Variants in CR1L observed in about 807,000 individuals in gnomAD.
CR1L encodes the protein complement C3b/C4b receptor 1 like.
In CR1L, 59 loss-of-function variants were observed where a neutral mutation model predicts 62.3. The ratio of observed to expected loss-of-function variants is 0.95; its 90% CI spans 0.77 to 1.18. CR1L has a LOEUF of 1.18. CR1L is among the 50% of genes most tolerant of loss of function. The pLI is 0.00. For synonymous variants in CR1L, 279 were observed against 248.7 expected, an observed-to-expected ratio of 1.12 and a Z score of -1.15; for missense variants, 700 against 702.8, an observed-to-expected ratio of 1.00 and a Z score of 0.04.
At chr1:207,674,207 T>G (rs1663655610) in intron 1 of CR1L, among the ~76,000 whole-genome samples, 1 of 152,196 alleles carries the variant, frequency 6.6e-6, no homozygotes, top group Non-Finnish European at 1.5e-5. Context: ...TTGGATGCAT[T>G]ACAGAAGGAC....
intron 1 of CR1L, among the ~76,000 whole-genome samples, chr1:207,660,221 A>T (rs1309826076): frequency 1.3e-5 from 2 of 152,200 alleles, no homozygotes; most frequent in Admixed American, 6.5e-5. Flanking sequence ...CTGCCTCCCC[A>T]AGTGGGTCCC....
At chr1:207,717,097 A>G (rs369768500) in intron 10 of CR1L, among the ~76,000 whole-genome samples, 165 of 152,348 alleles carry the variant, frequency 1.1e-3, no homozygotes, top group Middle Eastern at 6.8e-3. Context: ...TCTGATGGCC[A>G]AAATTTTGTC....
At chr1:207,697,257 T>C (rs1664112350) in intron 5 of CR1L, among the ~76,000 whole-genome samples, 2 of 152,214 alleles carry the variant, frequency 1.3e-5, no homozygotes, top group Non-Finnish European at 2.9e-5. Flanking sequence ...TTGCATACTT[T>C]AGATGTAAAA....
At chr1:207,650,941 A>C (rs1663213590) in intron 1 of CR1L, among the ~76,000 whole-genome samples, 1 of 151,986 alleles carries the variant, frequency 6.6e-6, no homozygotes, top group East Asian at 1.9e-4. Flanking sequence ...GTGTGCCACT[A>C]CACCTGGCTA....
intron 4 of CR1L, among the ~76,000 whole-genome samples, chr1:207,688,735 C>T (rs1663950720): frequency 6.6e-6 from 1 of 151,864 alleles, no homozygotes; most frequent in South Asian, 2.1e-4. Context: ...TTTTTGAAGT[C>T]TTCTTTAATT....
chr1:207,662,004 C>T (rs1168018944), intron 1 of CR1L, among the ~76,000 whole-genome samples: 1 of 152,222 alleles, frequency 6.6e-6, no homozygotes, highest in Non-Finnish European at 1.5e-5. Flanking sequence ...AGAGTTTCTG[C>T]TGAGAGATCC....
At chr1:207,669,333 C>A in intron 1 of CR1L, 1 of 704,712 alleles carries the variant, frequency 1.4e-6, no homozygotes, top group Non-Finnish European at 2.4e-6. Flanking sequence ...CAGCCCTCCC[C>A]ATGCTCTGGG....
In CR1L at chr1:207,683,004, C is replaced by CTT. The variant is rs1558017888; in HGVS notation, c.378-866_378-865dup. Among the ~76,000 whole-genome samples, 446 of 99,476 alleles carry CTT rather than the reference C, an allele frequency of 4.5e-3. 6 individuals are homozygous for CTT. Among genetic ancestry groups the CTT allele is most frequent in the South Asian group, 9.1e-3 (26 of 2,862 alleles). 65.3% of individuals were successfully genotyped at this position (99,476 alleles called of 152,430 possible). On this transcript the variant is annotated intron_variant, in intron 3 of 11. Transcript: ENST00000508064. ...TCTTTCTTTCTTTTTTTCTTTCTTTCTTTCTTTTTCTTTCTTTCTTTCCTT... is the reference window on the plus strand; with the variant it reads ...TCTTTCTTTCTTTTTTTCTTTCTTTCTTTTTCTTTTTCTTTCTTTCTTTCCTT...
intron 4 of CR1L, among the ~76,000 whole-genome samples, chr1:207,685,850 C>T (rs1258777411): frequency 6.6e-6 from 1 of 152,122 alleles, no homozygotes; most frequent in Admixed American, 6.5e-5. Context: ...TGTTGCTTAA[C>T]CTCTGCCTCT....
rs1007638928 is a variant in CR1L, at chr1:207,697,672, A to G, written c.1032A>G (p.Arg344=). Residue 344 remains arginine (R), a synonymous_variant, in exon 6 of 12, where the codon AGA becomes AGG. Coordinates refer to ENST00000508064, the MANE Select transcript of CR1L (RefSeq NM_175710.2). ...PQGDWSPAAP[R]CEVKSCDDFL... ...GAGACTGGAGCCCTGCAGCCCCCAG[A>G]TGTGAAGGTGACTAGACTCTTATCT... is the stretch of plus-strand genomic sequence containing the variant. 4 of 1,613,874 alleles carry G rather than the reference A, an allele frequency of 2.5e-6. No individual in the cohort carries two copies. The African/African-American group carries it at 5.3e-5, about 22-fold the overall frequency.
At chr1:207,669,408 C>T in intron 1 of CR1L, 1 of 491,216 alleles carries the variant, frequency 2.0e-6, no homozygotes. Flanking sequence ...CAGTTTTCTT[C>T]GAGATCAAAT....
At chr1:207,704,690 A>G (rs1488126741) in intron 9 of CR1L, among the ~76,000 whole-genome samples, 5 of 152,246 alleles carry the variant, frequency 3.3e-5, no homozygotes, top group Admixed American at 6.5e-5. Context: ...ATTGTGACTT[A>G]TTGAAGGTCA....
intron 1 of CR1L, among the ~76,000 whole-genome samples, chr1:207,677,006 A>T (rs925522381): frequency 1.3e-5 from 2 of 152,058 alleles, no homozygotes; most frequent in Non-Finnish European, 2.9e-5. Flanking sequence ...ACATCTATGC[A>T]GTATATTTGA....
intron 3 of CR1L, among the ~76,000 whole-genome samples, chr1:207,683,111 CCTCTGACTCTCT>C (rs1276605707): frequency 7.0e-6 from 1 of 143,136 alleles, no homozygotes; most frequent in Non-Finnish European, 1.5e-5. Flanking sequence ...TCTCTCTCTC[CCTCTGACTCTCT>C]CTCTCTCTCT....
At chr1:207,699,095 T>C in intron 7 of CR1L, 94 bp from the exon 8 acceptor site, 2 of 1,560,514 alleles carry the variant, frequency 1.3e-6, no homozygotes, top group Non-Finnish European at 1.8e-6. Context: ...CCTCAGGTCC[T>C]CAAAATCCTG....
intron 1 of CR1L, among the ~76,000 whole-genome samples, chr1:207,656,205 T>G (rs1663308516): frequency 6.6e-6 from 1 of 152,160 alleles, no homozygotes; most frequent in African/African-American, 2.4e-5. Flanking sequence ...GCCACTGCAC[T>G]CCAGCCTGGG....
At chr1:207,651,257 G>A (rs1663219293) in intron 1 of CR1L, among the ~76,000 whole-genome samples, 1 of 148,706 alleles carries the variant, frequency 6.7e-6, no homozygotes, top group Non-Finnish European at 1.5e-5. Flanking sequence ...TTTTCTGGGG[G>A]TAGGCATGTT....
At chr1:207,672,869 T>A (rs1230597106) in intron 1 of CR1L, among the ~76,000 whole-genome samples, 1 of 152,140 alleles carries the variant, frequency 6.6e-6, no homozygotes, top group African/African-American at 2.4e-5. Context: ...GATGTATGAT[T>A]TATATTATCT....
At chr1:207,706,092 A>G (rs777434574) in intron 9 of CR1L, among the ~76,000 whole-genome samples, 1 of 150,616 alleles carries the variant, frequency 6.6e-6, no homozygotes, top group Non-Finnish European at 1.5e-5. Flanking sequence ...AAGAAGAGTT[A>G]ACCAAATTTT....
Sources: gnomAD v4.1 joint callset for allele counts (sites outside exome capture counted in the v4.1 genomes callset) on GRCh38, gnomAD v4.1.1 for gene constraint, MANE v1.5 for transcripts, NCBI Gene and HGNC (gene_info 2026-07-23, HGNC 2026-07-21) for gene names.